The following EHD4 variants were observed in gnomAD, a reference collection of about 807,000 sequenced individuals.
EHD4 encodes EH domain containing 4, also known as EH domain-containing protein 4.
In EHD4, 37 loss-of-function variants were observed where a neutral mutation model predicts 51.0. That is an observed-to-expected ratio of 0.73 (90% CI 0.56 to 0.95). The LOEUF (loss-of-function observed/expected upper bound fraction) is 0.95. EHD4 is among the 40% of genes least tolerant of loss of function. EHD4 has a pLI of 0.00. For missense variants in EHD4, 632 were observed against 733.1 expected (o/e 0.86, Z 1.59); for synonymous variants, 297 against 317.3 (o/e 0.94, Z 0.68).
At chr15:41,972,114 G>T in intron 1 of EHD4, 145 bp downstream of exon 1, 1 of 759,150 alleles carries the variant, frequency 1.3e-6, no homozygotes, top group Non-Finnish European at 1.7e-6. Context: ...CCGGGGCGGG[G>T]CCGAGGGCAC....
intron 3 of EHD4, 121 bp from the exon 4 acceptor site, chr15:41,919,743 G>T: frequency 1.1e-6 from 1 of 926,584 alleles, no homozygotes; most frequent in Non-Finnish European, 1.5e-6. Flanking sequence ...CTCCAACCTG[G>T]AGGCAGTGGA....
chr15:41,954,610 T>C (rs2141005315), intron 1 of EHD4, among the ~76,000 whole-genome samples: 1 of 152,348 alleles, frequency 6.6e-6, no homozygotes, highest in Middle Eastern at 3.4e-3. Context: ...TTTAGACCTA[T>C]GTTTTCTATG....
chr15:41,902,241 CTCCATCCATCCATCCA>C (rs56023420), intron 5 of EHD4, among the ~76,000 whole-genome samples: 459 of 146,308 alleles, frequency 3.1e-3, no homozygotes, highest in Non-Finnish European at 4.9e-3. Context: ...TCCTTGGTTA[CTCCATCCATCCATCCA>C]TCCATCCATC....
intron 3 of EHD4, among the ~76,000 whole-genome samples, chr15:41,935,023 C>A (rs1271308404): frequency 6.6e-6 from 1 of 152,196 alleles, no homozygotes; most frequent in Non-Finnish European, 1.5e-5. Context: ...GGGGGGGCCT[C>A]CTGATCTCAT....
chr15:41,902,241 C>CTCCATCCA (rs56023420), intron 5 of EHD4, among the ~76,000 whole-genome samples: 5,223 of 146,284 alleles, frequency 0.036, 232 homozygotes, highest in African/African-American at 0.1. Flanking sequence ...TCCTTGGTTA[C>CTCCATCCA]TCCATCCATC....
At chr15:41,926,488 T>C (rs535911135) in intron 3 of EHD4, among the ~76,000 whole-genome samples, 25 of 152,314 alleles carry the variant, frequency 1.6e-4, no homozygotes, top group Admixed American at 7.8e-4. Flanking sequence ...CTCTCCTGGC[T>C]GCATGTTCAC....
chr15:41,965,697 A>G (rs577325238), intron 1 of EHD4, among the ~76,000 whole-genome samples: 1 of 152,344 alleles, frequency 6.6e-6, no homozygotes, highest in South Asian at 2.1e-4. Context: ...TGCAGAAGGA[A>G]CCACGGCCTT....
intron 3 of EHD4, among the ~76,000 whole-genome samples, chr15:41,923,537 C>T (rs1274073427): frequency 6.6e-6 from 1 of 152,190 alleles, no homozygotes. Context: ...AAAGTTTAGA[C>T]TCCTAGGCCC....
At chr15:41,922,146 T>C (rs971940910) in intron 3 of EHD4, among the ~76,000 whole-genome samples, 1 of 152,206 alleles carries the variant, frequency 6.6e-6, no homozygotes. Flanking sequence ...TCCAGCACTC[T>C]GGGAGGCAGA....
intron 3 of EHD4, among the ~76,000 whole-genome samples, chr15:41,929,652 C>A (rs952759222): frequency 1.3e-5 from 2 of 152,158 alleles, no homozygotes; most frequent in Non-Finnish European, 2.9e-5. Context: ...AAAAAACCTA[C>A]CAAGAAAATC....
At position 41,915,085 on chromosome 15, in the gene EHD4, G is replaced by GACACACAC. The variant is rs10552371; in HGVS notation, c.924+4117_924+4124dup. ...TTAGTACATGTGTCTCAGTCTTGGA[G>GACACACAC]ACACACACACACACACACACACACA... On this transcript the variant is annotated intron_variant, in intron 4 of 5. Coordinates refer to ENST00000220325, the MANE Select transcript of EHD4 (RefSeq NM_139265.4). 2.0e-5 allele frequency among the ~76,000 whole-genome samples: 3 copies of GACACACAC among 149,668 alleles called. No homozygotes were observed. In the South Asian group the frequency reaches 6.4e-4, roughly 32 times the overall value.
Position 41,896,122 on chromosome 15 carries a change from C to T in EHD4, c.*4523G>A, listed in dbSNP as rs1390027581. 6.6e-6 allele frequency: 1 copy of T among 152,160 alleles called. No individual in the cohort carries two copies. Among genetic ancestry groups the T allele is most frequent in the African/African-American group, 2.4e-5 (1 of 41,420 alleles). The allele number at this position is 152,160 out of a possible 1,614,324, so 9.4% of individuals were successfully genotyped here. A position where few individuals can be genotyped will look rare whatever the true frequency, so the allele number is the denominator to read the frequency against. On this transcript the variant is annotated 3_prime_UTR_variant, in exon 6 of 6. Transcript: ENST00000220325. ...TGGCTTACACAGTATAAAGGGAATG[C>T]ATTGGCCCACACAGTGGAAAAAAAT... is the stretch of plus-strand genomic sequence containing the variant.
intron 4 of EHD4, among the ~76,000 whole-genome samples, chr15:41,917,371 C>T (rs1051883773): frequency 3.3e-5 from 5 of 152,110 alleles, no homozygotes; most frequent in East Asian, 1.9e-4. Flanking sequence ...CACCCGCCTC[C>T]GACTCCCAAA....
chr15:41,942,616 G>A lies in EHD4; in HGVS notation c.511+451C>T, dbSNP rs568431180. 235 of 162,822 alleles carry A rather than the reference G, an allele frequency of 1.4e-3. 1 individual carries two copies. Among genetic ancestry groups the A allele is most frequent in the African/African-American group, 4.4e-3 (182 of 41,790 alleles). 10.1% of individuals were successfully genotyped at this position (162,822 alleles called of 1,614,324 possible). A position where few individuals can be genotyped will look rare whatever the true frequency, so the allele number is the denominator to read the frequency against. On this transcript the variant is annotated intron_variant, in intron 3 of 5. Coordinates refer to ENST00000220325, the MANE Select transcript of EHD4 (RefSeq NM_139265.4). Reference sequence around the variant, plus strand: ...GCCTCAGCCTTGTCTTGTGAAGGCTGGAGAAACTTATGCTTCGGCACAAGC... The same window carrying A: ...GCCTCAGCCTTGTCTTGTGAAGGCTAGAGAAACTTATGCTTCGGCACAAGC...
intron 1 of EHD4, among the ~76,000 whole-genome samples, chr15:41,970,338 T>C (rs768800365): frequency 3.9e-5 from 6 of 152,164 alleles, no homozygotes; most frequent in Non-Finnish European, 5.9e-5. Context: ...GGCTTCCTAA[T>C]AAGGTGATTC....
intron 1 of EHD4, among the ~76,000 whole-genome samples, chr15:41,962,885 A>G (rs2067935142): frequency 6.6e-6 from 1 of 152,264 alleles, no homozygotes; most frequent in Non-Finnish European, 1.5e-5. Flanking sequence ...AAGAGAGATC[A>G]GATTGTTACT....
intron 3 of EHD4, among the ~76,000 whole-genome samples, chr15:41,939,444 C>T (rs999178713): frequency 3.3e-5 from 5 of 152,100 alleles, no homozygotes; most frequent in Admixed American, 1.3e-4. Flanking sequence ...CCTGTAATCC[C>T]AGCACTTTGG....
At chr15:41,948,639 A>C (rs929935029) in intron 2 of EHD4, among the ~76,000 whole-genome samples, 3 of 152,236 alleles carry the variant, frequency 2.0e-5, no homozygotes, top group African/African-American at 4.8e-5. Context: ...TCTGCAGCTA[A>C]ATTGGCTGGG....
At chr15:41,965,733 T>C (rs1343530162) in intron 1 of EHD4, among the ~76,000 whole-genome samples, 1 of 152,150 alleles carries the variant, frequency 6.6e-6, no homozygotes, top group Non-Finnish European at 1.5e-5. Context: ...GAAAAGGACA[T>C]TGAACACCTT....
Sources: allele counts gnomAD v4.1 joint callset (sites outside exome capture counted in the v4.1 genomes callset), GRCh38; gene constraint gnomAD v4.1.1; transcripts MANE v1.5; gene names NCBI Gene and HGNC (gene_info 2026-07-23, HGNC 2026-07-21).